The following RHOD variants were observed in gnomAD, a reference collection of about 807,000 sequenced individuals.
RHOD encodes the protein ras homolog family member D.
RHOD carries 11 observed loss-of-function variants against 16.7 expected under a neutral mutation model. The ratio of observed to expected loss-of-function variants is 0.66; its 90% CI spans 0.41 to 1.09. The LOEUF (loss-of-function observed/expected upper bound fraction) is 1.09. Ranked by LOEUF, RHOD falls within the 50% of genes least tolerant of loss-of-function variation. The probability of loss-of-function intolerance (pLI) is 0.00; values close to 1 mark genes in which losing one functional copy is unlikely to be tolerated. For missense variants in RHOD, 271 were observed against 291.7 expected (o/e 0.93, Z 0.52); for synonymous variants, 124 against 126.3 (o/e 0.98, Z 0.12).
chr11:67,071,298 G>A (rs1855026290), intron 4 of RHOD, 137 bp from the exon 5 acceptor site: 3 of 613,414 alleles, frequency 4.9e-6, no homozygotes, highest in South Asian at 6.2e-5. Context: ...GCATGAGGGC[G>A]CTTGGGCAAG....
rs376179461 is a variant in RHOD, at chr11:67,071,766, A to AG, written c.*169dup. The AG allele has an allele frequency of 1.6e-5, 11 of 709,546 alleles. No homozygotes were observed. The highest frequency in any genetic ancestry group is 2.5e-5 in the Non-Finnish European group (11 of 445,802). 44.0% of individuals were successfully genotyped at this position (709,546 alleles called of 1,614,324 possible). A position where few individuals can be genotyped will look rare whatever the true frequency, so the allele number is the denominator to read the frequency against. On this transcript the variant is annotated 3_prime_UTR_variant, in exon 5 of 5. Coordinates refer to ENST00000308831, the MANE Select transcript of RHOD (RefSeq NM_014578.4). ...AGGCCTGGGAGTCCTGGACTGAGAA[A>AG]GGGGGTTCCTGGGCCCACCTGCTCT...
At chr11:67,057,167 G>A in intron 1 of RHOD, 133 bp downstream of exon 1, 3 of 1,126,680 alleles carry the variant, frequency 2.7e-6, no homozygotes, top group Non-Finnish European at 3.5e-6. Flanking sequence ...GGGGTCCAGG[G>A]CAGAGTTCTT....
intron 1 of RHOD, among the ~76,000 whole-genome samples, 195 bp downstream of exon 1, chr11:67,057,229 G>A (rs569266511): frequency 6.6e-6 from 1 of 152,360 alleles, no homozygotes; most frequent in African/African-American, 2.4e-5. Flanking sequence ...TGTAAAGCCG[G>A]AGGAATGGCA....
At chr11:67,063,944 A>G (rs1390065213) in intron 1 of RHOD, among the ~76,000 whole-genome samples, 2 of 150,872 alleles carry the variant, frequency 1.3e-5, no homozygotes, top group African/African-American at 4.9e-5. Flanking sequence ...CGTCTCTACT[A>G]AAAATATAAA....
intron 3 of RHOD, 86 bp from the exon 4 acceptor site, chr11:67,070,339 G>A: frequency 2.8e-6 from 4 of 1,404,362 alleles, no homozygotes; most frequent in Non-Finnish European, 4.0e-6. Context: ...AGCTCAGGCT[G>A]GGGAGCAAGA....
At chr11:67,064,500 G>A (rs1303430879) in intron 1 of RHOD, among the ~76,000 whole-genome samples, 1 of 152,112 alleles carries the variant, frequency 6.6e-6, no homozygotes, top group East Asian at 1.9e-4. Flanking sequence ...TCCCAGAAAG[G>A]TGAAGGTAGC....
At chr11:67,066,169 C>T (rs971392637) in intron 2 of RHOD, among the ~76,000 whole-genome samples, 186 bp downstream of exon 2, 3 of 152,212 alleles carry the variant, frequency 2.0e-5, no homozygotes, top group African/African-American at 7.2e-5. Flanking sequence ...CCTGCACCCC[C>T]AGCACCCCAG....
chr11:67,058,456 G>T (rs1565350148), intron 1 of RHOD, among the ~76,000 whole-genome samples: 1 of 152,202 alleles, frequency 6.6e-6, no homozygotes, highest in Non-Finnish European at 1.5e-5. Context: ...GATTACAGGT[G>T]TGAGCCACCA....
At chr11:67,070,609 C>A (rs777235081) in intron 4 of RHOD, 50 bp downstream of exon 4, 2 of 1,607,806 alleles carry the variant, frequency 1.2e-6, no homozygotes, top group Non-Finnish European at 1.7e-6. Context: ...AGTGAGGGGA[C>A]CTCTGGATGC....
Position 67,070,273 on chromosome 11 carries a change from T to C in RHOD, c.331-152T>C, listed in dbSNP as rs1855010814. 6 of 827,226 alleles carry C rather than the reference T, an allele frequency of 7.3e-6. No homozygotes were observed. The East Asian group carries it at 1.6e-4, about 22-fold the overall frequency. The allele number at this position is 827,226 out of a possible 1,614,324, so 51.2% of individuals were successfully genotyped here. On this transcript the variant is annotated intron_variant, in intron 3 of 4. Coordinates refer to ENST00000308831, the MANE Select transcript of RHOD (RefSeq NM_014578.4). Reference sequence around the variant, plus strand: ...CATACGTGTAAATTCTTAGATGAGGTTCTGGTACCAAATAGTTTCTCCCTA... The same window carrying C: ...CATACGTGTAAATTCTTAGATGAGGCTCTGGTACCAAATAGTTTCTCCCTA...
At chr11:67,071,143 A>C (rs1855024470) in intron 4 of RHOD, among the ~76,000 whole-genome samples, 1 of 152,162 alleles carries the variant, frequency 6.6e-6, no homozygotes, top group African/African-American at 2.4e-5. Context: ...AGGCAGAGGC[A>C]GGAGAATCAC....
chr11:67,065,764 C>A (rs1284483401), intron 1 of RHOD, 132 bp from the exon 2 acceptor site: 33 of 621,738 alleles, frequency 5.3e-5, no homozygotes, highest in Non-Finnish European at 8.9e-5. Flanking sequence ...CCCAGGCAGG[C>A]CAAGGAGGAG....
chr11:67,070,180 A>C (rs1489209526), intron 3 of RHOD: 6 of 573,248 alleles, frequency 1.0e-5, no homozygotes, highest in South Asian at 4.7e-5. Context: ...TCTGTGCCTC[A>C]GTTACCGCAC....
rs1842450123 is a variant in RHOD, at chr11:67,068,118, A to G, written c.330+1271A>G. Among the ~76,000 whole-genome samples, 2 of 152,072 alleles carry G rather than the reference A, an allele frequency of 1.3e-5. 1 individual carries two copies. Among genetic ancestry groups the G allele is most frequent in the South Asian group, 4.1e-4 (2 of 4,822 alleles). On this transcript the variant is annotated intron_variant, in intron 3 of 4. Transcript: ENST00000308831. The stretch of plus-strand genomic sequence containing the variant: ...CCAGCCTGGGAGGAGTTTTTACCAG[A>G]GCAGCTGGAAGGTGGAGTTGCCCTT...
intron 3 of RHOD, among the ~76,000 whole-genome samples, chr11:67,067,798 TGTTTG>T (rs1854977010): frequency 3.3e-5 from 2 of 59,868 alleles, no homozygotes; most frequent in South Asian, 1.7e-3. Flanking sequence ...GGAGTTTTTT[TGTTTG>T]TTTGTTTGTT....
chr11:67,061,868 G>T (rs1854895243), intron 1 of RHOD, among the ~76,000 whole-genome samples: 1 of 147,464 alleles, frequency 6.8e-6, no homozygotes, highest in Admixed American at 7.0e-5. Context: ...GCCAGGCGTG[G>T]TGACACACCT....
At chr11:67,057,099 C>T (rs546793496) in intron 1 of RHOD, 65 bp downstream of exon 1, 89 of 1,353,202 alleles carry the variant, frequency 6.6e-5, no homozygotes, top group Admixed American at 2.8e-4. Flanking sequence ...AGGTCCGTGC[C>T]GGAGCGGCCC....
chr11:67,071,015 T>C (rs1257807871), intron 4 of RHOD, among the ~76,000 whole-genome samples: 2 of 151,992 alleles, frequency 1.3e-5, no homozygotes, highest in African/African-American at 2.4e-5. Flanking sequence ...GGTGGATCAC[T>C]TGAAGTCAGG....
chr11:67,070,849 C>T (rs1013398805), intron 4 of RHOD, among the ~76,000 whole-genome samples: 1 of 152,132 alleles, frequency 6.6e-6, no homozygotes, highest in Admixed American at 6.6e-5. Context: ...ATATTCAGAC[C>T]GTGGGTCCCT....
Sources: gnomAD v4.1 joint callset for allele counts (sites outside exome capture counted in the v4.1 genomes callset) on GRCh38, gnomAD v4.1.1 for gene constraint, MANE v1.5 for transcripts, NCBI Gene and HGNC (gene_info 2026-07-23, HGNC 2026-07-21) for gene names.